DIP2C: variants seen among roughly 807,000 people sequenced by gnomAD.
The protein encoded by DIP2C is DIP2 acetate--CoA ligase C (putative).
DIP2C carries 33 observed loss-of-function variants against 192.4 expected under a neutral mutation model. The ratio of observed to expected loss-of-function variants is 0.17; its 90% CI spans 0.13 to 0.23. DIP2C has a LOEUF of 0.23. Among genes scored for constraint, DIP2C ranks in the 10% least tolerant of loss-of-function variants. The pLI is 1.00. For synonymous variants in DIP2C, 979 were observed against 864.1 expected (o/e 1.13, Z -2.33); for missense variants, 1,537 against 2,110.1 (o/e 0.73, Z 5.32).
chr10:455,217 C>G (rs1969190946), intron 3 of DIP2C, among the ~76,000 whole-genome samples: 1 of 152,212 alleles, frequency 6.6e-6, no homozygotes, highest in African/African-American at 2.4e-5. Flanking sequence ...CTATTTGCAC[C>G]CCCATTTCCC....
At chr10:362,397 C>CAA in intron 22 of DIP2C, 93 bp downstream of exon 22, 1 of 1,416,358 alleles carries the variant, frequency 7.1e-7, no homozygotes, top group Non-Finnish European at 9.5e-7. Context: ...CAGCTTCCTG[C>CAA]AAGCAGCCCT....
intron 1 of DIP2C, among the ~76,000 whole-genome samples, chr10:546,156 C>T (rs1848273563): frequency 6.6e-6 from 1 of 151,910 alleles, no homozygotes; most frequent in South Asian, 2.1e-4. Flanking sequence ...GTGGTGGGTG[C>T]CTGTAGTCCC....
At position 388,601 on chromosome 10, in the gene DIP2C, G is replaced by A. The variant is rs1336460582; in HGVS notation, c.1598-792C>T. 2.0e-5 allele frequency among the ~76,000 whole-genome samples: 3 copies of A among 151,206 alleles called. No individual in the cohort carries two copies. In the East Asian group the frequency reaches 5.8e-4, roughly 29 times the overall value. ...ATCATTCCCTCCCCAACCTCCACAAGCGTGACCACCCTGGACCTTGGAGGC... is the reference window on the plus strand; with the variant it reads ...ATCATTCCCTCCCCAACCTCCACAAACGTGACCACCCTGGACCTTGGAGGC... On this transcript the variant is annotated intron_variant, in intron 13 of 36. Transcript: ENST00000280886.
chr10:654,628 A>G (rs1856167321), intron 1 of DIP2C, among the ~76,000 whole-genome samples: 1 of 152,136 alleles, frequency 6.6e-6, no homozygotes, highest in African/African-American at 2.4e-5. Context: ...AGGACCATCA[A>G]ATGATCCCCA....
At chr10:445,621 G>A (rs1968117281) in intron 3 of DIP2C, among the ~76,000 whole-genome samples, 1 of 112,722 alleles carries the variant, frequency 8.9e-6, no homozygotes, top group South Asian at 2.3e-4. Context: ...TACAACTGTT[G>A]CGAAGAGTCT....
At chr10:330,867 C>T (rs1957475388) in intron 29 of DIP2C, among the ~76,000 whole-genome samples, 1 of 147,690 alleles carries the variant, frequency 6.8e-6, no homozygotes, top group East Asian at 2.0e-4. Context: ...GACTGGAGTG[C>T]AGTGGTGTGA....
At chr10:580,765 A>T (rs1257798645) in intron 1 of DIP2C, among the ~76,000 whole-genome samples, 1 of 152,194 alleles carries the variant, frequency 6.6e-6, no homozygotes, top group African/African-American at 2.4e-5. Context: ...AAGTCATACA[A>T]AGAGGGTTTT....
At chr10:597,511 A>G (rs1851784172) in intron 1 of DIP2C, among the ~76,000 whole-genome samples, 1 of 152,348 alleles carries the variant, frequency 6.6e-6, no homozygotes, top group African/African-American at 2.4e-5. Context: ...CAATGGACAG[A>G]GGTGTGTGCC....
chr10:667,402 G>C (rs1000294171), intron 1 of DIP2C: 2 of 152,330 alleles, frequency 1.3e-5, no homozygotes, highest in African/African-American at 2.4e-5. Context: ...CGCACGCTCA[G>C]AAGGGGCTGC....
intron 3 of DIP2C, among the ~76,000 whole-genome samples, chr10:465,822 A>C (rs28877422): frequency 5.3e-5 from 8 of 151,006 alleles, no homozygotes; most frequent in African/African-American, 1.9e-4. Flanking sequence ...CTAGGAATCC[A>C]ACTTACAAGG....
At chr10:284,575 G>C (rs1022260277) in intron 34 of DIP2C, among the ~76,000 whole-genome samples, 3 of 152,154 alleles carry the variant, frequency 2.0e-5, no homozygotes, top group African/African-American at 7.2e-5. Flanking sequence ...GGTAAACGGT[G>C]GTTAGCCGGG....
intron 3 of DIP2C, among the ~76,000 whole-genome samples, chr10:445,509 G>GGAC (rs1201530218): frequency 6.6e-6 from 1 of 151,304 alleles, no homozygotes; most frequent in African/African-American, 2.4e-5. Context: ...AGTCTATCTT[G>GGAC]CACTGGGCAT....
chr10:657,660 C>A (rs1431923904), intron 1 of DIP2C, among the ~76,000 whole-genome samples: 7 of 92,912 alleles, frequency 7.5e-5, no homozygotes, highest in African/African-American at 2.7e-4. Context: ...TGGACCTGTC[C>A]CTGGACCTGC....
intron 4 of DIP2C, among the ~76,000 whole-genome samples, chr10:428,563 C>T (rs1966744305): frequency 6.6e-6 from 1 of 152,030 alleles, no homozygotes; most frequent in East Asian, 1.9e-4. Flanking sequence ...TCTTCGGAGT[C>T]CTTTCAGGAT....
intron 31 of DIP2C, among the ~76,000 whole-genome samples, chr10:323,451 AGC>A (rs1491448858): frequency 3.1e-5 from 1 of 32,148 alleles, no homozygotes; most frequent in Non-Finnish European, 1.6e-4. Flanking sequence ...GCGGGGCTCC[AGC>A]GAGAGACCAG....
chr10:311,194 A>C lies in DIP2C; in HGVS notation c.3925-1102T>G, dbSNP rs546574923. Among the ~76,000 whole-genome samples, 4 of 152,206 alleles carry C rather than the reference A, an allele frequency of 2.6e-5. No individual in the cohort carries two copies. The South Asian group carries it at 8.3e-4, about 32-fold the overall frequency. On this transcript the variant is annotated intron_variant, in intron 31 of 36. Transcript: ENST00000280886. Reference sequence around the variant, plus strand: ...GCTGCTCAGCAAAGCCGCCCCACAGACCAGCGCTGAGCAGAGAACCGGCCC... The same window carrying C: ...GCTGCTCAGCAAAGCCGCCCCACAGCCCAGCGCTGAGCAGAGAACCGGCCC...
rs1954456926 is a variant in DIP2C, at chr10:275,270, T to C, written c.*2055A>G. The C allele has an allele frequency of 6.6e-6, 1 of 152,186 alleles. No individual in the cohort carries two copies. Among genetic ancestry groups the C allele is most frequent in the Non-Finnish European group, 1.5e-5 (1 of 68,052 alleles). The allele number at this position is 152,186 out of a possible 1,614,324, so 9.4% of individuals were successfully genotyped here. On this transcript the variant is annotated 3_prime_UTR_variant, in exon 37 of 37. Coordinates refer to ENST00000280886, the MANE Select transcript of DIP2C (RefSeq NM_014974.3). The stretch of plus-strand genomic sequence containing the variant: ...CCTACCTCCCTTTCAACAAGGTGGG[T>C]GGGTGTAGGAAAATGTCTTTTTTCC...
chr10:670,226 A>G (rs570793923), intron 1 of DIP2C, among the ~76,000 whole-genome samples: 11 of 142,740 alleles, frequency 7.7e-5, no homozygotes, highest in South Asian at 2.1e-4. Context: ...ACGCACACGC[A>G]TGCATGCACA....
chr10:550,371 C>T (rs1848521562), intron 1 of DIP2C, among the ~76,000 whole-genome samples: 1 of 152,178 alleles, frequency 6.6e-6, no homozygotes, highest in South Asian at 2.1e-4. Context: ...TTCTCATTTG[C>T]ACTTCAAGCA....
Sources: allele counts gnomAD v4.1 joint callset (sites outside exome capture counted in the v4.1 genomes callset), GRCh38; gene constraint gnomAD v4.1.1; transcripts MANE v1.5; gene names NCBI Gene and HGNC (gene_info 2026-07-23, HGNC 2026-07-21).